The following RPH3A variants were observed in gnomAD, a reference collection of about 807,000 sequenced individuals.
RPH3A encodes the protein rabphilin-3A.
Under a neutral mutation model 102.2 loss-of-function variants are expected in RPH3A, and 48 were observed. That is an observed-to-expected ratio of 0.47 (90% CI 0.37 to 0.60). The LOEUF (loss-of-function observed/expected upper bound fraction) is 0.60. RPH3A is among the 20% of genes least tolerant of loss of function. The pLI, the probability that RPH3A is intolerant of heterozygous loss-of-function variation, is 0.00. For synonymous variants in RPH3A, 310 were observed against 324.3 expected (o/e 0.96, Z 0.47); for missense variants, 781 against 910.1 (o/e 0.86, Z 1.83).
chr12:112,595,084 A>G (rs1015359586), intron 1 of RPH3A, among the ~76,000 whole-genome samples: 3 of 152,158 alleles, frequency 2.0e-5, no homozygotes, highest in African/African-American at 7.2e-5. Flanking sequence ...TTCCACACTT[A>G]CTGGCTATGT....
At chr12:112,696,848 G>T (rs1592949359) in intron 1 of RPH3A, among the ~76,000 whole-genome samples, 2 of 151,962 alleles carry the variant, frequency 1.3e-5, no homozygotes, top group South Asian at 4.1e-4. Context: ...TAGGAGATTG[G>T]TAGGACTGGA....
chr12:112,841,831 A>G lies in RPH3A; in HGVS notation c.83+5329A>G, dbSNP rs73427059. ...GATTTGTCCAGGTTTCTGAAAGTTCATCTTCTCCAGCATTCATTCCTGCCA... is the reference window on the plus strand; with the variant it reads ...GATTTGTCCAGGTTTCTGAAAGTTCGTCTTCTCCAGCATTCATTCCTGCCA... On this transcript the variant is annotated intron_variant, in intron 4 of 21. Coordinates refer to ENST00000389385, the MANE Select transcript of RPH3A (RefSeq NM_001143854.2). The G allele has an allele frequency of 4.6e-3, 1,967 of 427,902 alleles. 37 individuals carry two copies. The highest frequency in any genetic ancestry group is 0.037 in the African/African-American group (1,840 of 49,312). 26.5% of individuals were successfully genotyped at this position (427,902 alleles called of 1,614,324 possible).
At chr12:112,747,986 A>G (rs1375310405) in intron 1 of RPH3A, among the ~76,000 whole-genome samples, 3 of 152,210 alleles carry the variant, frequency 2.0e-5, no homozygotes, top group Non-Finnish European at 2.9e-5. Flanking sequence ...AACCTGGAAG[A>G]GACACACATG....
Position 112,890,766 on chromosome 12 carries a change from A to G in RPH3A, c.1621-83A>G, listed in dbSNP as rs1001746769. On this transcript the variant is annotated intron_variant, in intron 18 of 21. Coordinates refer to ENST00000389385, the MANE Select transcript of RPH3A (RefSeq NM_001143854.2). Reference sequence around the variant, plus strand: ...GCTGGCCAAGCTTCGCCTGCCCTTCATAGGTTCTTCCCTAATGCTCGCCAT... The same window carrying G: ...GCTGGCCAAGCTTCGCCTGCCCTTCGTAGGTTCTTCCCTAATGCTCGCCAT... 12 of 1,483,736 alleles carry G rather than the reference A, an allele frequency of 8.1e-6. No homozygotes were observed. The Admixed American group carries it at 9.7e-5, about 12-fold the overall frequency. The allele number at this position is 1,483,736 out of a possible 1,614,324, so 91.9% of individuals were successfully genotyped here.
intron 1 of RPH3A, among the ~76,000 whole-genome samples, chr12:112,707,138 G>A (rs754761646): frequency 2.6e-5 from 4 of 152,170 alleles, no homozygotes; most frequent in Non-Finnish European, 4.4e-5. Flanking sequence ...AATGCTCAGA[G>A]TTTCATTGTG....
At chr12:112,701,558 C>G (rs1020124933) in intron 1 of RPH3A, among the ~76,000 whole-genome samples, 1 of 152,112 alleles carries the variant, frequency 6.6e-6, no homozygotes, top group Admixed American at 6.5e-5. Flanking sequence ...AGTTCTGTGT[C>G]CCTGGAGGTA....
chr12:112,820,330 A>C (rs549457141), intron 2 of RPH3A, among the ~76,000 whole-genome samples: 7 of 152,332 alleles, frequency 4.6e-5, no homozygotes, highest in Admixed American at 2.6e-4. Flanking sequence ...CTATGTTCCA[A>C]GTACCACGTT....
At chr12:112,763,647 CAG>C (rs2040869207) in intron 1 of RPH3A, among the ~76,000 whole-genome samples, 1 of 152,190 alleles carries the variant, frequency 6.6e-6, no homozygotes, top group Non-Finnish European at 1.5e-5. Context: ...TAGTAGGCTT[CAG>C]AGAGAATAGA....
chr12:112,657,097 A>G (rs977724816), intron 1 of RPH3A, among the ~76,000 whole-genome samples: 1 of 152,026 alleles, frequency 6.6e-6, no homozygotes, highest in African/African-American at 2.4e-5. Context: ...ATCCTTGCCA[A>G]CACATACTGT....
intron 1 of RPH3A, among the ~76,000 whole-genome samples, chr12:112,610,780 T>G (rs1394495601): frequency 6.6e-6 from 1 of 151,858 alleles, no homozygotes; most frequent in Admixed American, 6.6e-5. Flanking sequence ...TACAGGCGCC[T>G]GCCGCCACGC....
chr12:112,713,795 C>A (rs2136038085), intron 1 of RPH3A, among the ~76,000 whole-genome samples: 1 of 152,276 alleles, frequency 6.6e-6, no homozygotes, highest in African/African-American at 2.4e-5. Flanking sequence ...GAGGTCTGAG[C>A]TAAAATCAGT....
rs1379203170 is a variant in RPH3A, at chr12:112,725,769, G to T, written c.-139-66374G>T. Among the ~76,000 whole-genome samples the T allele has an allele frequency of 2.0e-4, 4 of 19,740 alleles. No individual in the cohort carries two copies. The South Asian group carries it at 4.7e-3, about 23-fold the overall frequency. The allele number at this position is 19,740 out of a possible 152,430, so 13.0% of individuals were successfully genotyped here. On this transcript the variant is annotated intron_variant, in intron 1 of 21. Coordinates refer to the RPH3A transcript ENST00000543106. ...TTTAGGGAAGATGAGTGTAGTTTTT[G>T]TTGTTGTTGTTGTTGTTGTTGTTGT...
chr12:112,830,647 G>A (rs2041954981), intron 3 of RPH3A, among the ~76,000 whole-genome samples: 1 of 152,024 alleles, frequency 6.6e-6, no homozygotes, highest in Non-Finnish European at 1.5e-5. Flanking sequence ...TTGTGGTTCT[G>A]TGAGATGGCT....
At chr12:112,586,748 G>A (rs1214614992) in intron 1 of RPH3A, among the ~76,000 whole-genome samples, 1 of 152,154 alleles carries the variant, frequency 6.6e-6, no homozygotes, top group African/African-American at 2.4e-5. Context: ...ACTATTTATG[G>A]CCATTTTACA....
At chr12:112,792,385 C>G (rs1260278228) in intron 2 of RPH3A, 122 bp downstream of exon 2, 1 of 152,214 alleles carries the variant, frequency 6.6e-6, no homozygotes, top group Non-Finnish European at 1.5e-5. Flanking sequence ...CGAGGAACGA[C>G]TATGCTTATT....
intron 1 of RPH3A, among the ~76,000 whole-genome samples, chr12:112,691,813 T>C: frequency 6.6e-6 from 1 of 152,220 alleles, no homozygotes; most frequent in East Asian, 1.9e-4. Flanking sequence ...CCACTTTAAG[T>C]GCAATATGTC....
intron 1 of RPH3A, among the ~76,000 whole-genome samples, chr12:112,654,092 A>G (rs148227300): frequency 2.7e-4 from 41 of 152,288 alleles, no homozygotes; most frequent in African/African-American, 9.6e-4. Context: ...TCCTATGATA[A>G]CAATCCCTTC....
intron 14 of RPH3A, among the ~76,000 whole-genome samples, chr12:112,879,827 G>A (rs1200914339): frequency 6.6e-6 from 1 of 152,170 alleles, no homozygotes; most frequent in Non-Finnish European, 1.5e-5. Flanking sequence ...ACAAGCAGGG[G>A]CTCAGGAACC....
chr12:112,675,549 C>A (rs567331144), intron 1 of RPH3A, among the ~76,000 whole-genome samples: 24 of 152,292 alleles, frequency 1.6e-4, no homozygotes, highest in South Asian at 8.3e-4. Flanking sequence ...TCGTAGAAGG[C>A]AAAGCCTGGG....
Sources: gnomAD v4.1 joint callset for allele counts (sites outside exome capture counted in the v4.1 genomes callset) on GRCh38, gnomAD v4.1.1 for gene constraint, MANE v1.5 for transcripts, NCBI Gene and HGNC (gene_info 2026-07-23, HGNC 2026-07-21) for gene names.